PAK4: variants seen among roughly 807,000 people sequenced by gnomAD.
PAK4 encodes p21 (RAC1) activated kinase 4.
Under a neutral mutation model 53.5 loss-of-function variants are expected in PAK4, and 49 were observed. The observed-to-expected ratio is 0.92, with a 90% CI of 0.73 to 1.16. PAK4 has a LOEUF of 1.16. Ranked by LOEUF, PAK4 falls within the 50% of genes most tolerant of loss-of-function variation. The probability of loss-of-function intolerance (pLI) is 0.00; values close to 1 mark genes in which losing one functional copy is unlikely to be tolerated. For synonymous variants in PAK4, 376 were observed against 375.6 expected, an observed-to-expected ratio of 1.00 and a Z score of -0.01; for missense variants, 824 against 850.7, an observed-to-expected ratio of 0.97 and a Z score of 0.39.
chr19:39,172,198 G>A (rs1250403396), intron 2 of PAK4, among the ~76,000 whole-genome samples: 2 of 150,490 alleles, frequency 1.3e-5, no homozygotes, highest in Admixed American at 6.6e-5. Flanking sequence ...AGAGGGAGCC[G>A]CCAGCGGAGA....
intron 1 of PAK4, among the ~76,000 whole-genome samples, chr19:39,142,313 G>A (rs187682266): frequency 6.6e-6 from 1 of 152,316 alleles, no homozygotes; most frequent in African/African-American, 2.4e-5. Context: ...CTAGAAGCTC[G>A]ATCTGATGCA....
chr19:39,172,468 A>G (rs1360974175), intron 2 of PAK4, among the ~76,000 whole-genome samples: 1 of 151,802 alleles, frequency 6.6e-6, no homozygotes, highest in Non-Finnish European at 1.5e-5. Flanking sequence ...ATGGGAGCAG[A>G]GAGTGTGGTT....
At chr19:39,136,935 TC>T (rs1019876489) in intron 1 of PAK4, among the ~76,000 whole-genome samples, 1 of 152,174 alleles carries the variant, frequency 6.6e-6, no homozygotes, top group African/African-American at 2.4e-5. Flanking sequence ...TGCAGAGGTC[TC>T]CCGGCGGGGG....
At chr19:39,150,074 CAAT>C (rs1224380771) in intron 1 of PAK4, among the ~76,000 whole-genome samples, 3 of 152,044 alleles carry the variant, frequency 2.0e-5, no homozygotes, top group Non-Finnish European at 4.4e-5. Context: ...AGATGGTTAA[CAAT>C]GATAAATATG....
At chr19:39,181,416 C>T (rs1014502751), downstream of PAK4, 2 of 152,276 alleles carry the variant, frequency 1.3e-5, no homozygotes, top group African/African-American at 4.8e-5. Flanking sequence ...CATGACAAAG[C>T]TCTGAGAAGG....
In PAK4 at chr19:39,161,927, G is replaced by A. The variant is rs181164253; in HGVS notation, c.-22-7605G>A. Among the ~76,000 whole-genome samples, 13 of 152,040 alleles carry A rather than the reference G, an allele frequency of 8.6e-5. No homozygotes were observed. The highest frequency in any genetic ancestry group is 8.5e-4 in the Admixed American group (13 of 15,266). ...TGCTCACGTGTCCCCTTCTCAGCAA[G>A]GCCTGCCTGACCACTTTATTTTATA... On this transcript the variant is annotated intron_variant, in intron 1 of 8. Transcript: ENST00000358301. This position sits in a 1 kb window ranked among gnomAD's most constrained non-coding sequence, Gnocchi z 4.5.
chr19:39,135,081 G>A (rs1377247112), intron 1 of PAK4: 1 of 152,220 alleles, frequency 6.6e-6, no homozygotes, highest in Non-Finnish European at 1.5e-5. Flanking sequence ...AGCCTCCCAA[G>A]GTGGTCAAAT....
At chr19:39,134,132 C>A (rs1332335590) in intron 1 of PAK4, among the ~76,000 whole-genome samples, 2 of 152,236 alleles carry the variant, frequency 1.3e-5, no homozygotes, top group Admixed American at 6.5e-5. Flanking sequence ...GCAGCCTGGG[C>A]CCACGTTATT....
In PAK4 at chr19:39,161,976, G is replaced by A. The variant is rs1398558969; in HGVS notation, c.-22-7556G>A. On this transcript the variant is annotated intron_variant, in intron 1 of 8. Coordinates refer to ENST00000358301, the Ensembl canonical transcript of PAK4. The surrounding 1 kb of genome is among the most constrained non-coding windows in gnomAD (Gnocchi z 4.5). ...TAATAATAGTTATTATTATTATTTT[G>A]AGATGGAGTCTCACACTCTGTCGCC... 6.6e-6 allele frequency among the ~76,000 whole-genome samples: 1 copy of A among 151,942 alleles called. No individual in the cohort carries two copies. The highest frequency in any genetic ancestry group is 1.5e-5 in the Non-Finnish European group (1 of 68,008).
chr19:39,173,412 CCT>C lies in PAK4; in HGVS notation c.663+37_663+38del. On this transcript the variant is annotated intron_variant, in intron 3 of 8. Coordinates refer to ENST00000358301, the Ensembl canonical transcript of PAK4. This position sits in a 1 kb window ranked among gnomAD's most constrained non-coding sequence, Gnocchi z 6.9. ...CCCCGCCCCAGGGCCCCCACTGTCC[CCT>C]GCCCGTTGCTCCTCTGTCCCCACCT... The C allele has an allele frequency of 6.8e-7, 1 of 1,462,542 alleles. No individual in the cohort carries two copies. Among genetic ancestry groups the C allele is most frequent in the East Asian group, 2.4e-5 (1 of 42,334 alleles). The allele number at this position is 1,462,542 out of a possible 1,614,324, so 90.6% of individuals were successfully genotyped here.
At chr19:39,137,942 A>C (rs572713588) in intron 1 of PAK4, among the ~76,000 whole-genome samples, 1 of 150,240 alleles carries the variant, frequency 6.7e-6, no homozygotes, top group South Asian at 2.1e-4. Flanking sequence ...CTGGGATTAC[A>C]GGCGGGAGCC....
At position 39,148,466 on chromosome 19, in the gene PAK4, C is replaced by CTT. The variant is rs74176491; in HGVS notation, c.-22-21046_-22-21045dup. On this transcript the variant is annotated intron_variant, in intron 1 of 8. Coordinates refer to ENST00000358301, the Ensembl canonical transcript of PAK4. The stretch of plus-strand genomic sequence containing the variant: ...TTAGGTACCAAATAAGTTTCTTCTG[C>CTT]TTTTTTTTTTTTTTTTTTTTTGAGA... Among the ~76,000 whole-genome samples, 40 of 56,788 alleles carry CTT rather than the reference C, an allele frequency of 7.0e-4. 9 individuals carry two copies. Among genetic ancestry groups the CTT allele is most frequent in the African/African-American group, 2.4e-3 (32 of 13,072 alleles). The allele number at this position is 56,788 out of a possible 152,430, so 37.3% of individuals were successfully genotyped here.
rs1190864179 is a variant in PAK4 at position 39,175,107 on chromosome 19, C to A, written c.1232+43C>A. The A allele has an allele frequency of 1.3e-6, 2 of 1,571,888 alleles. No homozygotes were observed. The highest frequency in any genetic ancestry group is 1.7e-6 in the Non-Finnish European group (2 of 1,157,694). Reference sequence around the variant, plus strand: ...GACCCCTCCTGTGACACGACCAAGTCCCCTCCAGACCACTAGGGGTGGGGC... The same window carrying A: ...GACCCCTCCTGTGACACGACCAAGTACCCTCCAGACCACTAGGGGTGGGGC... On this transcript the variant is annotated intron_variant, in intron 5 of 8. Coordinates refer to ENST00000358301, the Ensembl canonical transcript of PAK4. This position sits in a 1 kb window ranked among gnomAD's most constrained non-coding sequence, Gnocchi z 4.7.
At chr19:39,165,346 CA>C (rs59682991) in intron 1 of PAK4, among the ~76,000 whole-genome samples, 133 of 92,612 alleles carry the variant, frequency 1.4e-3, no homozygotes, top group Middle Eastern at 6.0e-3. Context: ...ACTAAAAATA[CA>C]AAAAAAAAAA....
intron 1 of PAK4, among the ~76,000 whole-genome samples, chr19:39,133,541 G>A (rs1003370639): frequency 1.2e-4 from 18 of 152,222 alleles, no homozygotes; most frequent in African/African-American, 4.1e-4. Flanking sequence ...GCTGGTAATC[G>A]CTGTGGCCGC....
chr19:39,173,549 C>T lies in PAK4; in HGVS notation c.664-27C>T. 1 of 1,505,666 alleles carries T rather than the reference C, an allele frequency of 6.6e-7. No individual in the cohort carries two copies. The highest frequency in any genetic ancestry group is 1.3e-5 in the South Asian group (1 of 74,988). 93.3% of individuals were successfully genotyped at this position (1,505,666 alleles called of 1,614,324 possible). On this transcript the variant is annotated intron_variant, in intron 3 of 8. Transcript: ENST00000358301. This position sits in a 1 kb window ranked among gnomAD's most constrained non-coding sequence, Gnocchi z 6.9. ...CAGAGCTGCTCCCTGGCACCCATCA[C>T]TGACAGCTACCTCTCTTCTGTTTCA... is the stretch of plus-strand genomic sequence containing the variant.
Position 39,173,123 on chromosome 19 carries a change from G to A in PAK4, c.410G>A (p.Arg137Gln), listed in dbSNP as rs768151950. ...CCAGGGAAGGCAGGCAGCCGAGGCC[G>A]GTTCGCCGGTCACAGCGAGGCGGGT... The change falls in exon 3 of 9, where the codon CGG becomes CAG. Residue 137 changes from arginine to glutamine, a missense_variant. Physicochemically the swap from Arg to Gln is conservative, Grantham distance 43 (BLOSUM62 1). This residue lies in a region of PAK4 where 478 missense variants were observed against 435.8 expected (regional missense o/e 1.10). Coordinates refer to ENST00000358301, the Ensembl canonical transcript of PAK4. The surrounding 1 kb of genome is among the most constrained non-coding windows in gnomAD (Gnocchi z 6.9). The A allele has an allele frequency of 2.7e-5, 41 of 1,547,034 alleles. No homozygotes were observed. Among genetic ancestry groups the A allele is most frequent in the South Asian group, 1.7e-4 (14 of 83,834 alleles).
rs2074291549 is a variant in PAK4 at position 39,161,948 on chromosome 19, T to G, written c.-22-7584T>G. On this transcript the variant is annotated intron_variant, in intron 1 of 8. Transcript: ENST00000358301. The surrounding 1 kb of genome is among the most constrained non-coding windows in gnomAD (Gnocchi z 4.5). ...GCAAGGCCTGCCTGACCACTTTATT[T>G]TATAATAATAGTTATTATTATTATT... 6.6e-6 allele frequency among the ~76,000 whole-genome samples: 1 copy of G among 151,962 alleles called. No homozygotes were observed. Among genetic ancestry groups the G allele is most frequent in the Admixed American group, 6.6e-5 (1 of 15,236 alleles).
At chr19:39,162,668 G>A (rs2074304133) in intron 1 of PAK4, among the ~76,000 whole-genome samples, 1 of 152,174 alleles carries the variant, frequency 6.6e-6, no homozygotes, top group Admixed American at 6.6e-5. Context: ...CTTAGTAGAT[G>A]TTTTTCTGAT....
Sources: allele counts gnomAD v4.1 joint callset (sites outside exome capture counted in the v4.1 genomes callset), GRCh38; gene constraint gnomAD v4.1.1; regional missense constraint gnomAD v4.1.1; non-coding constraint Gnocchi (gnomAD v3.1); transcripts MANE v1.5; gene names NCBI Gene and HGNC (gene_info 2026-07-23, HGNC 2026-07-21).